Variants in LRRC1 observed in about 807,000 individuals in gnomAD.
LRRC1 encodes the protein leucine rich repeat containing 1.
Under a neutral mutation model 69.9 loss-of-function variants are expected in LRRC1, and 28 were observed. That is an observed-to-expected ratio of 0.40 (90% CI 0.30 to 0.55). The LOEUF (loss-of-function observed/expected upper bound fraction) is 0.55. LRRC1 is among the 20% of genes least tolerant of loss of function. The pLI is 0.47. For missense variants in LRRC1, 498 were observed against 609.0 expected (o/e 0.82, Z 1.92); for synonymous variants, 236 against 240.2 (o/e 0.98, Z 0.16).
intron 2 of LRRC1, among the ~76,000 whole-genome samples, chr6:53,875,024 A>G (rs974843454): frequency 4.6e-5 from 7 of 152,216 alleles, no homozygotes; most frequent in Admixed American, 4.6e-4. Context: ...ATTTTTTAAA[A>G]TGTAAAAGAA....
rs551408693 is a variant in LRRC1, at chr6:53,803,617, C to T, written c.159+8202C>T. Among the ~76,000 whole-genome samples the T allele has an allele frequency of 4.2e-4, 64 of 151,786 alleles. 2 individuals carry two copies. Among genetic ancestry groups the T allele is most frequent in the African/African-American group, 1.4e-3 (59 of 41,396 alleles). On this transcript the variant is annotated intron_variant, in intron 1 of 13. Coordinates refer to ENST00000370888, the MANE Select transcript of LRRC1 (RefSeq NM_018214.5). ...GTGTGTGTGTGTGTAGTGTAAAATACGTTGGACTCCTAAAATAAGATGTAA... is the reference window on the plus strand; with the variant it reads ...GTGTGTGTGTGTGTAGTGTAAAATATGTTGGACTCCTAAAATAAGATGTAA...
rs62397104 is a variant in LRRC1 at position 53,879,960 on chromosome 6, C to A, written c.356+889C>A. Reference sequence around the variant, plus strand: ...ATCTGTTTTAGATGTCTCTTTGGGCCAGGTGGGTCCATTTATAAGATTTCT... The same window carrying A: ...ATCTGTTTTAGATGTCTCTTTGGGCAAGGTGGGTCCATTTATAAGATTTCT... On this transcript the variant is annotated intron_variant, in intron 3 of 13. Transcript: ENST00000370888. Among the ~76,000 whole-genome samples, 1,030 of 152,258 alleles carry A rather than the reference C, an allele frequency of 6.8e-3. 3 individuals are homozygous for A. The highest frequency in any genetic ancestry group is 0.012 in the Non-Finnish European group (803 of 68,010).
rs117331622 is a variant in LRRC1 at position 53,849,932 on chromosome 6, G to A, written c.277+7705G>A. The stretch of plus-strand genomic sequence containing the variant: ...TGATTATGCCACTGTACTCCAGACT[G>A]GGGGATAGAGCAAGTCCCTTTTTAA... On this transcript the variant is annotated intron_variant, in intron 2 of 13. Coordinates refer to ENST00000370888, the MANE Select transcript of LRRC1 (RefSeq NM_018214.5). Among the ~76,000 whole-genome samples the A allele has an allele frequency of 2.0e-3, 301 of 152,234 alleles. 4 individuals are homozygous for A. In the East Asian group the frequency reaches 0.041, roughly 21 times the overall value.
At chr6:53,874,094 A>G (rs1016855214) in intron 2 of LRRC1, among the ~76,000 whole-genome samples, 2 of 152,188 alleles carry the variant, frequency 1.3e-5, no homozygotes, top group Non-Finnish European at 2.9e-5. Context: ...TTGCTTGTTT[A>G]TTCTTAAGCA....
chr6:53,834,758 G>A (rs1765561631), intron 1 of LRRC1, among the ~76,000 whole-genome samples: 1 of 152,140 alleles, frequency 6.6e-6, no homozygotes, highest in Admixed American at 6.5e-5. Flanking sequence ...CGGATCACGA[G>A]GTCAGGAGAT....
At chr6:53,921,167 C>T (rs780376182) in intron 13 of LRRC1, among the ~76,000 whole-genome samples, 7 of 152,026 alleles carry the variant, frequency 4.6e-5, no homozygotes, top group African/African-American at 7.3e-5. Context: ...GACGTTTCAC[C>T]ATGTTGTCCA....
chr6:53,895,219 G>T (rs1767832408), intron 4 of LRRC1, among the ~76,000 whole-genome samples: 1 of 152,058 alleles, frequency 6.6e-6, no homozygotes. Flanking sequence ...CGCCCGGCTG[G>T]GAGTTTGTCT....
rs114907206 is a variant in LRRC1, at chr6:53,803,028, C to T, written c.159+7613C>T. On this transcript the variant is annotated intron_variant, in intron 1 of 13. Coordinates refer to ENST00000370888, the MANE Select transcript of LRRC1 (RefSeq NM_018214.5). The stretch of plus-strand genomic sequence containing the variant: ...AGTTCCCTTTTCCTGGGGCTCCCAG[C>T]GGAAAAGGAGCACTTTGACTCCACC... 7.5e-3 allele frequency among the ~76,000 whole-genome samples: 1,138 copies of T among 152,276 alleles called. 11 individuals carry two copies. The highest frequency in any genetic ancestry group is 0.024 in the African/African-American group (1,011 of 41,546).
At position 53,870,843 on chromosome 6, in the gene LRRC1, A is replaced by G. The variant is rs113635422; in HGVS notation, c.278-8150A>G. On this transcript the variant is annotated intron_variant, in intron 2 of 13. Transcript: ENST00000370888. Reference sequence around the variant, plus strand: ...AATCACTATTCAACTTGCTACTTCTATGAGATCAACTTCTTTAGGTTACAC... The same window carrying G: ...AATCACTATTCAACTTGCTACTTCTGTGAGATCAACTTCTTTAGGTTACAC... Among the ~76,000 whole-genome samples the G allele has an allele frequency of 8.6e-3, 1,303 of 152,244 alleles. 14 individuals carry two copies. The highest frequency in any genetic ancestry group is 0.029 in the African/African-American group (1,192 of 41,546).
intron 11 of LRRC1, among the ~76,000 whole-genome samples, chr6:53,915,222 A>G (rs896964979): frequency 6.6e-6 from 1 of 152,156 alleles, no homozygotes; most frequent in Admixed American, 6.5e-5. Context: ...TTAGCTGGTC[A>G]TTTTGGTCAG....
intron 2 of LRRC1, among the ~76,000 whole-genome samples, chr6:53,868,535 C>G (rs1047613326): frequency 2.0e-5 from 3 of 152,074 alleles, no homozygotes; most frequent in Non-Finnish European, 4.4e-5. Flanking sequence ...CAATATGATG[C>G]TACTCTTCAA....
chr6:53,824,675 G>T (rs1301580470), intron 1 of LRRC1, among the ~76,000 whole-genome samples: 2 of 152,194 alleles, frequency 1.3e-5, no homozygotes, highest in Non-Finnish European at 2.9e-5. Context: ...TCATGCAAAT[G>T]CTGTACTTGG....
chr6:53,900,051 T>A (rs1768007351), intron 8 of LRRC1, among the ~76,000 whole-genome samples, 160 bp downstream of exon 8: 1 of 101,580 alleles, frequency 9.8e-6, no homozygotes, highest in East Asian at 3.3e-4. Flanking sequence ...TTTTTTTTTT[T>A]TTCTGAGATG....
At chr6:53,812,551 G>C (rs946951160) in intron 1 of LRRC1, among the ~76,000 whole-genome samples, 1 of 151,954 alleles carries the variant, frequency 6.6e-6, no homozygotes, top group African/African-American at 2.4e-5. Context: ...TCAGCCGGGC[G>C]TGGTGGCGGG....
At chr6:53,835,021 T>A (rs1485601418) in intron 1 of LRRC1, among the ~76,000 whole-genome samples, 2 of 152,190 alleles carry the variant, frequency 1.3e-5, no homozygotes, top group East Asian at 1.9e-4. Context: ...CAGCCCAGTC[T>A]TTTCTTACTA....
chr6:53,874,087 C>T (rs529031992), intron 2 of LRRC1, among the ~76,000 whole-genome samples: 35 of 152,286 alleles, frequency 2.3e-4, no homozygotes, highest in African/African-American at 8.4e-4. Context: ...GATGAATTTG[C>T]TTGTTTATTC....
At chr6:53,884,376 C>T (rs1767401852) in intron 4 of LRRC1, among the ~76,000 whole-genome samples, 1 of 151,938 alleles carries the variant, frequency 6.6e-6, no homozygotes, top group Non-Finnish European at 1.5e-5. Context: ...GCCTGGTGGC[C>T]CAAACCTGTA....
intron 1 of LRRC1, among the ~76,000 whole-genome samples, chr6:53,803,322 GCTTCT>G (rs1378923805): frequency 2.0e-5 from 3 of 152,182 alleles, no homozygotes; most frequent in Non-Finnish European, 4.4e-5. Flanking sequence ...AGTGCTGCAG[GCTTCT>G]CACTGTGCTC....
At chr6:53,841,166 C>A (rs1269652166) in intron 1 of LRRC1, among the ~76,000 whole-genome samples, 1 of 152,162 alleles carries the variant, frequency 6.6e-6, no homozygotes, top group Non-Finnish European at 1.5e-5. Context: ...TACCCCCTGC[C>A]CTCAGCTGTG....
Sources: gnomAD v4.1 joint callset for allele counts (sites outside exome capture counted in the v4.1 genomes callset) on GRCh38, gnomAD v4.1.1 for gene constraint, MANE v1.5 for transcripts, NCBI Gene and HGNC (gene_info 2026-07-23, HGNC 2026-07-21) for gene names.